Variants in AGBL1 observed in about 807,000 individuals in gnomAD.
AGBL1 encodes AGBL carboxypeptidase 1, also known as cytosolic carboxypeptidase 4.
AGBL1 carries 130 observed loss-of-function variants against 118.9 expected under a neutral mutation model. The ratio of observed to expected loss-of-function variants is 1.09; its 90% CI spans 0.95 to 1.26. The LOEUF is 1.26. AGBL1 is among the 50% of genes most tolerant of loss of function. The pLI, the probability that AGBL1 is intolerant of heterozygous loss-of-function variation, is 0.00. For missense variants in AGBL1, 1,584 were observed against 1,298.1 expected (o/e 1.22, Z -3.38); for synonymous variants, 555 against 478.9 (o/e 1.16, Z -2.08).
At chr15:86,175,234 C>T (rs1447904639) in intron 5 of AGBL1, among the ~76,000 whole-genome samples, 1 of 152,014 alleles carries the variant, frequency 6.6e-6, no homozygotes, top group African/African-American at 2.4e-5. Flanking sequence ...CTTCCTGGTT[C>T]AATCTTGGTA....
intron 9 of AGBL1, among the ~76,000 whole-genome samples, chr15:86,262,078 C>CGTTTTTTTTTTTTTTTTTTTTT: frequency 1.9e-5 from 1 of 52,768 alleles, no homozygotes; most frequent in Non-Finnish European, 3.6e-5. Flanking sequence ...GCATAGCTGG[C>CGTTTTTTTTTTTTTTTTTTTTT]TTTTTTTTTT....
At chr15:86,236,754 G>A (rs191892586) in intron 6 of AGBL1, among the ~76,000 whole-genome samples, 1 of 151,956 alleles carries the variant, frequency 6.6e-6, no homozygotes, top group African/African-American at 2.4e-5. Context: ...ACCAGAGTGC[G>A]GCAGAAATCA....
rs1276945780 is a variant in AGBL1, at chr15:86,396,262, TAC to T, written c.2375-1095_2375-1094del. 4.3e-3 allele frequency among the ~76,000 whole-genome samples: 592 copies of T among 137,052 alleles called. 1 individual carries two copies. Among genetic ancestry groups the T allele is most frequent in the Middle Eastern group, 7.4e-3 (2 of 270 alleles). The allele number at this position is 137,052 out of a possible 152,430, so 89.9% of individuals were successfully genotyped here. ...GTGTGTGTATATATATATATATATA[TAC>T]ACACACACGTCAGTAAATGAATCAA... On this transcript the variant is annotated intron_variant, in intron 17 of 22. Transcript: ENST00000614907.
rs71144066 is a variant in AGBL1, at chr15:86,780,657, C to CT, written c.3158+106235dup. On this transcript the variant is annotated intron_variant, in intron 22 of 22. Transcript: ENST00000614907. ...CAATTAATTGGGTCTTCTTTAACTTCTTTTTTTTTTTTTTCTTTTGGTGAG... is the reference window on the plus strand; with the variant it reads ...CAATTAATTGGGTCTTCTTTAACTTCTTTTTTTTTTTTTTTCTTTTGGTGAG... Among the ~76,000 whole-genome samples the CT allele has an allele frequency of 2.2e-3, 320 of 142,952 alleles. 3 individuals carry two copies. The highest frequency in any genetic ancestry group is 0.012 in the East Asian group (58 of 4,852). The allele number at this position is 142,952 out of a possible 152,430, so 93.8% of individuals were successfully genotyped here.
chr15:86,476,488 C>T (rs1306224670), intron 18 of AGBL1, among the ~76,000 whole-genome samples: 2 of 152,100 alleles, frequency 1.3e-5, no homozygotes, highest in Admixed American at 6.5e-5. Flanking sequence ...CAAAGAAGGC[C>T]ATTACATAAT....
intron 21 of AGBL1, among the ~76,000 whole-genome samples, chr15:86,647,184 A>C (rs1233391951): frequency 6.6e-6 from 1 of 152,192 alleles, no homozygotes; most frequent in Non-Finnish European, 1.5e-5. Flanking sequence ...CTTAATTTTA[A>C]TATCTTTTTT....
rs183414706 is a variant in AGBL1, at chr15:86,450,000, T to C, written c.2555+52454T>C. The stretch of plus-strand genomic sequence containing the variant: ...TTTCAAGCTTCCCTTCTGTGTGCCA[T>C]CTGTTCACCTACCCATAGTCCTGCA... On this transcript the variant is annotated intron_variant, in intron 18 of 22. Transcript: ENST00000614907. Among the ~76,000 whole-genome samples the C allele has an allele frequency of 3.7e-4, 56 of 152,288 alleles. 1 individual carries two copies. The highest frequency in any genetic ancestry group is 1.3e-3 in the African/African-American group (55 of 41,552).
At chr15:86,726,184 A>T (rs2086815887) in intron 22 of AGBL1, among the ~76,000 whole-genome samples, 1 of 152,230 alleles carries the variant, frequency 6.6e-6, no homozygotes, top group African/African-American at 2.4e-5. Context: ...TGCTTATCAA[A>T]TTCTGCTTTA....
chr15:86,626,582 C>A (rs993339293), intron 21 of AGBL1, among the ~76,000 whole-genome samples: 1 of 152,120 alleles, frequency 6.6e-6, no homozygotes, highest in Non-Finnish European at 1.5e-5. Context: ...GACAAATAAT[C>A]TGTACAACAA....
intron 5 of AGBL1, among the ~76,000 whole-genome samples, chr15:86,167,962 A>T (rs990257094): frequency 3.9e-5 from 6 of 152,256 alleles, no homozygotes; most frequent in Admixed American, 2.0e-4. Context: ...GGAGTGAATT[A>T]GTAGAGATCA....
intron 17 of AGBL1, among the ~76,000 whole-genome samples, chr15:86,348,649 A>G (rs114287750): frequency 0.015 from 2,326 of 152,200 alleles, 80 homozygotes; most frequent in African/African-American, 0.054. Context: ...ATGATGGTGC[A>G]CACCAGTAAT....
chr15:86,461,129 T>C (rs928124287), intron 18 of AGBL1, among the ~76,000 whole-genome samples: 1 of 152,100 alleles, frequency 6.6e-6, no homozygotes, highest in African/African-American at 2.4e-5. Context: ...GATTCTGATG[T>C]CATTGTTCTG....
chr15:86,414,677 T>C (rs1282748509), intron 18 of AGBL1, among the ~76,000 whole-genome samples: 2 of 152,176 alleles, frequency 1.3e-5, no homozygotes, highest in Non-Finnish European at 2.9e-5. Context: ...AAAAAATATA[T>C]GCCATTTCCT....
chr15:86,827,938 C>CTTTTTT (rs71144074), intron 22 of AGBL1, among the ~76,000 whole-genome samples: 2,446 of 16,724 alleles, frequency 0.15, 783 homozygotes, highest in Admixed American at 0.3. Context: ...TGATGTAGGG[C>CTTTTTT]TTTTTTTTTT....
At chr15:86,089,716 C>T (rs1276771959) in intron 1 of AGBL1, among the ~76,000 whole-genome samples, 1 of 152,132 alleles carries the variant, frequency 6.6e-6, no homozygotes, top group African/African-American at 2.4e-5. Flanking sequence ...GCTCAATGCC[C>T]TACAGTTTCG....
intron 1 of AGBL1, among the ~76,000 whole-genome samples, chr15:86,092,537 G>A (rs556178824): frequency 6.6e-6 from 1 of 152,236 alleles, no homozygotes; most frequent in Admixed American, 6.5e-5. Flanking sequence ...GTAATGGATT[G>A]AAGTCAAGAG....
intron 17 of AGBL1, among the ~76,000 whole-genome samples, chr15:86,382,900 A>G (rs141697644): frequency 1.3e-5 from 2 of 152,254 alleles, no homozygotes; most frequent in African/African-American, 4.8e-5. Context: ...CCAGAACTGC[A>G]CAAACGACCT....
chr15:86,171,904 A>T (rs2077421409), intron 5 of AGBL1, among the ~76,000 whole-genome samples: 1 of 152,206 alleles, frequency 6.6e-6, no homozygotes, highest in South Asian at 2.1e-4. Context: ...CCTAGATGAA[A>T]TTGGTGACTA....
At chr15:86,806,685 A>G (rs2141359361) in intron 22 of AGBL1, among the ~76,000 whole-genome samples, 1 of 152,134 alleles carries the variant, frequency 6.6e-6, no homozygotes, top group East Asian at 1.9e-4. Context: ...GGTAAATTGA[A>G]TTAATTTATG....
Sources: allele counts gnomAD v4.1 joint callset (sites outside exome capture counted in the v4.1 genomes callset), GRCh38; gene constraint gnomAD v4.1.1; transcripts MANE v1.5; gene names NCBI Gene and HGNC (gene_info 2026-07-23, HGNC 2026-07-21).